TRIO: variants seen among roughly 807,000 people sequenced by gnomAD.
TRIO encodes trio Rho guanine nucleotide exchange factor, also known as triple functional domain protein.
Under a neutral mutation model 351.9 loss-of-function variants are expected in TRIO, and 58 were observed. The observed-to-expected ratio is 0.16, with a 90% CI of 0.13 to 0.21. The LOEUF (loss-of-function observed/expected upper bound fraction) is 0.21. TRIO is among the 10% of genes least tolerant of loss of function. The pLI, the probability that TRIO is intolerant of heterozygous loss-of-function variation, is 1.00. For synonymous variants in TRIO, 1,758 were observed against 1,595.7 expected (o/e 1.10, Z -2.42); for missense variants, 3,201 against 4,027.8 (o/e 0.79, Z 5.56).
intron 1 of TRIO, among the ~76,000 whole-genome samples, chr5:14,213,899 G>A (rs557943389): frequency 1.4e-4 from 22 of 152,298 alleles, no homozygotes; most frequent in African/African-American, 4.3e-4. Flanking sequence ...AGTGAGGGAC[G>A]GGGCTGTTCA....
intron 41 of TRIO, 29 bp downstream of exon 41, chr5:14,476,992 G>A (rs761791520): frequency 1.9e-6 from 3 of 1,584,918 alleles, no homozygotes; most frequent in South Asian, 1.1e-5. Flanking sequence ...CTTATATCCT[G>A]TTCTGATGGT....
chr5:14,486,307 C>T (rs1206874689), intron 47 of TRIO, among the ~76,000 whole-genome samples: 2 of 152,132 alleles, frequency 1.3e-5, no homozygotes, highest in Non-Finnish European at 2.9e-5. Flanking sequence ...ACAAGAAAGC[C>T]ACCTCTACAC....
intron 1 of TRIO, among the ~76,000 whole-genome samples, chr5:14,261,438 A>G (rs973824409): frequency 1.6e-4 from 25 of 152,228 alleles, no homozygotes; most frequent in Admixed American, 3.9e-4. Context: ...AGCCAGCCTT[A>G]TGAGGCTGAG....
At chr5:14,455,058 C>T (rs1753165926) in intron 34 of TRIO, among the ~76,000 whole-genome samples, 1 of 152,144 alleles carries the variant, frequency 6.6e-6, no homozygotes, top group African/African-American at 2.4e-5. Flanking sequence ...AGGAGTGAAG[C>T]TGCAGACCTT....
At position 14,423,530 on chromosome 5, in the gene TRIO, C is replaced by G. The variant is rs551019786; in HGVS notation, c.5203+3509C>G. Among the ~76,000 whole-genome samples the G allele has an allele frequency of 2.0e-5, 3 of 152,358 alleles. No individual in the cohort carries two copies. The East Asian group carries it at 5.8e-4, about 29-fold the overall frequency. On this transcript the variant is annotated intron_variant, in intron 34 of 56. Coordinates refer to ENST00000344204, the MANE Select transcript of TRIO (RefSeq NM_007118.4). The stretch of plus-strand genomic sequence containing the variant: ...CAGTGAGGCCAGTTCAAAACATCCT[C>G]TTTGCCCTACGCTGCCCTGCTTTTT...
intron 1 of TRIO, among the ~76,000 whole-genome samples, chr5:14,167,445 A>G (rs1304508254): frequency 2.0e-5 from 3 of 152,324 alleles, no homozygotes; most frequent in East Asian, 1.9e-4. Context: ...ACACACGTCA[A>G]TATGAGGCCA....
intron 47 of TRIO, among the ~76,000 whole-genome samples, chr5:14,485,984 G>C (rs1179913084): frequency 2.0e-5 from 3 of 150,660 alleles, no homozygotes; most frequent in Non-Finnish European, 4.4e-5. Flanking sequence ...GTGAAACTCT[G>C]TCTCAAAAAA....
chr5:14,314,079 T>G (rs1739165306), intron 8 of TRIO, among the ~76,000 whole-genome samples: 1 of 152,208 alleles, frequency 6.6e-6, no homozygotes, highest in Non-Finnish European at 1.5e-5. Context: ...AGGAAATATT[T>G]GTAAGGAATT....
intron 11 of TRIO, among the ~76,000 whole-genome samples, chr5:14,355,158 G>A (rs187897360): frequency 9.8e-5 from 15 of 152,290 alleles, no homozygotes; most frequent in East Asian, 1.9e-4. Context: ...TGGAAGGCAG[G>A]TTACCATCTT....
intron 1 of TRIO, among the ~76,000 whole-genome samples, chr5:14,217,954 C>T (rs368268209): frequency 5.9e-5 from 9 of 152,314 alleles, no homozygotes; most frequent in African/African-American, 2.2e-4. Flanking sequence ...TGGTTGAAAT[C>T]AAGCATTTAA....
intron 34 of TRIO, among the ~76,000 whole-genome samples, chr5:14,447,425 G>A (rs1446891328): frequency 6.6e-6 from 1 of 152,138 alleles, no homozygotes; most frequent in Non-Finnish European, 1.5e-5. Context: ...CTAGCATTCT[G>A]AATCTGGTAT....
intron 1 of TRIO, among the ~76,000 whole-genome samples, chr5:14,269,974 G>A (rs1795891159): frequency 6.6e-6 from 1 of 152,160 alleles, no homozygotes; most frequent in South Asian, 2.1e-4. Context: ...GTTAGAGATC[G>A]CCGAGAGAAA....
chr5:14,293,483 C>T lies in TRIO; in HGVS notation c.1176+349C>T, dbSNP rs72744302. 2.0e-3 allele frequency among the ~76,000 whole-genome samples: 309 copies of T among 152,318 alleles called. 1 individual carries two copies. Among genetic ancestry groups the T allele is most frequent in the Non-Finnish European group, 3.2e-3 (217 of 68,026 alleles). On this transcript the variant is annotated intron_variant, in intron 6 of 56. Coordinates refer to ENST00000344204, the MANE Select transcript of TRIO (RefSeq NM_007118.4). ...TGGGAGGCACAGTGAGTCCCCCAGACGGAGCGCTGTCAGTTTGCTGGCTGC... is the reference window on the plus strand; with the variant it reads ...TGGGAGGCACAGTGAGTCCCCCAGATGGAGCGCTGTCAGTTTGCTGGCTGC...
At chr5:14,309,291 T>A (rs1310829383) in intron 8 of TRIO, among the ~76,000 whole-genome samples, 1 of 152,188 alleles carries the variant, frequency 6.6e-6, no homozygotes, top group Non-Finnish European at 1.5e-5. Flanking sequence ...ATGTATTAAC[T>A]TACTTGTTCA....
chr5:14,369,851 A>G (rs1204676752), intron 18 of TRIO, among the ~76,000 whole-genome samples: 2 of 152,216 alleles, frequency 1.3e-5, no homozygotes, highest in African/African-American at 2.4e-5. Context: ...AACAATACCT[A>G]TAGCTTAAAA....
At chr5:14,383,164 G>C (rs1384009412) in intron 21 of TRIO, among the ~76,000 whole-genome samples, 4 of 152,138 alleles carry the variant, frequency 2.6e-5, no homozygotes, top group African/African-American at 9.7e-5. Context: ...TCTACAAAAA[G>C]AATTTTTTTT....
chr5:14,254,863 C>T (rs529497760), intron 1 of TRIO, among the ~76,000 whole-genome samples: 1 of 152,296 alleles, frequency 6.6e-6, no homozygotes, highest in Admixed American at 6.5e-5. Context: ...GGGCAGGTCT[C>T]CCCAGCAGTT....
chr5:14,210,985 G>A (rs565264404), intron 1 of TRIO, among the ~76,000 whole-genome samples: 2 of 151,864 alleles, frequency 1.3e-5, no homozygotes, highest in East Asian at 3.9e-4. Context: ...TTTGCCATGA[G>A]CCCCTAGATA....
intron 1 of TRIO, among the ~76,000 whole-genome samples, chr5:14,153,308 C>T (rs923700928): frequency 2.0e-5 from 3 of 152,194 alleles, no homozygotes; most frequent in African/African-American, 7.2e-5. Flanking sequence ...ACCCCTGTCA[C>T]GTGGGATGAG....
Sources: allele counts gnomAD v4.1 joint callset (sites outside exome capture counted in the v4.1 genomes callset), GRCh38; gene constraint gnomAD v4.1.1; transcripts MANE v1.5; gene names NCBI Gene and HGNC (gene_info 2026-07-23, HGNC 2026-07-21).